Variants in SEPTIN3 observed in about 807,000 individuals in gnomAD.
SEPTIN3 encodes the protein septin 3, also known as neuronal-specific septin-3.
Under a neutral mutation model 45.1 loss-of-function variants are expected in SEPTIN3, and 15 were observed. That is an observed-to-expected ratio of 0.33 (90% CI 0.22 to 0.51). The LOEUF (loss-of-function observed/expected upper bound fraction) is 0.51. SEPTIN3 is among the 20% of genes least tolerant of loss of function. SEPTIN3 has a pLI of 0.97. For synonymous variants in SEPTIN3, 148 were observed against 164.8 expected, an observed-to-expected ratio of 0.90 and a Z score of 0.78; for missense variants, 289 against 457.2, an observed-to-expected ratio of 0.63 and a Z score of 3.35.
rs2078400459 is a variant in SEPTIN3 at position 41,994,887 on chromosome 22, G to C, written c.2505+173G>C. The C allele has an allele frequency of 1.4e-5, 8 of 566,618 alleles. No homozygotes were observed. Among genetic ancestry groups the C allele is most frequent in the Admixed American group, 9.4e-5 (2 of 21,168 alleles). 35.1% of individuals were successfully genotyped at this position (566,618 alleles called of 1,614,324 possible). A position where few individuals can be genotyped will look rare whatever the true frequency, so the allele number is the denominator to read the frequency against. ...GGTATTTGTGGAGCATCTTGTCTGT[G>C]TGTGTGTGTGTGTGTGTGTGTGTGT... On this transcript the variant is annotated intron_variant, in intron 11 of 11. Transcript: ENST00000644076. This position sits in a 1 kb window ranked among gnomAD's most constrained non-coding sequence, Gnocchi z 4.2.
intron 6 of SEPTIN3, among the ~76,000 whole-genome samples, chr22:41,989,176 T>C (rs541521454): frequency 1.3e-5 from 2 of 150,636 alleles, no homozygotes; most frequent in African/African-American, 4.9e-5. Context: ...TTTTTTTGGT[T>C]GTTGTTGTTT....
chr22:41,997,478 A>C lies in SEPTIN3; in HGVS notation c.*511A>C, dbSNP rs1467534693. 1 of 153,218 alleles carries C rather than the reference A, an allele frequency of 6.5e-6. No individual in the cohort carries two copies. The highest frequency in any genetic ancestry group is 1.5e-5 in the Non-Finnish European group (1 of 68,546). 9.5% of individuals were successfully genotyped at this position (153,218 alleles called of 1,614,324 possible). On this transcript the variant is annotated 3_prime_UTR_variant, in exon 12 of 12. Coordinates refer to ENST00000644076, the MANE Select transcript of SEPTIN3 (RefSeq NM_001363845.2). ...TATTCATGAGGGTGGGTCACTACAG[A>C]TGTTGGGGAGCAAGGGCTAGGATCA...
At chr22:41,982,120 T>C (rs981776169) in intron 3 of SEPTIN3, 1 of 426,492 alleles carries the variant, frequency 2.3e-6, no homozygotes, top group Non-Finnish European at 4.3e-6. Context: ...GTTTGTGACA[T>C]GAGAGAATCA....
At chr22:41,970,804 CG>C (rs1569434856) in intron 1 of SEPTIN3, among the ~76,000 whole-genome samples, 1 of 152,228 alleles carries the variant, frequency 6.6e-6, no homozygotes, top group African/African-American at 2.4e-5. Flanking sequence ...TCTTCAAGGG[CG>C]GGGACCATGG....
chr22:41,977,066 T>C, intron 2 of SEPTIN3: 2 of 1,601,510 alleles, frequency 1.2e-6, no homozygotes, highest in East Asian at 2.3e-5. Context: ...GGAGGATTCA[T>C]GTCCAAAGGT....
chr22:41,970,134 A>T (rs1324420196), intron 1 of SEPTIN3, among the ~76,000 whole-genome samples: 1 of 151,930 alleles, frequency 6.6e-6, no homozygotes, highest in Non-Finnish European at 1.5e-5. Flanking sequence ...CCTCCCCATG[A>T]GCCCTCTGGA....
At chr22:41,988,100 T>G (rs573377026) in intron 6 of SEPTIN3, among the ~76,000 whole-genome samples, 1 of 151,866 alleles carries the variant, frequency 6.6e-6, no homozygotes, top group Non-Finnish European at 1.5e-5. Context: ...AATACCTGCT[T>G]TGGAAAATAA....
chr22:41,994,411 G>A lies in SEPTIN3; in HGVS notation c.2411+70G>A, dbSNP rs1227154843. On this transcript the variant is annotated intron_variant, in intron 10 of 11. Transcript: ENST00000644076. This position sits in a 1 kb window ranked among gnomAD's most constrained non-coding sequence, Gnocchi z 4.2. ...TTTGGGGTCAGGGTCTATCTGTTCAGATTCACCTCCTGCATCTCCAGGTCT... is the reference window on the plus strand; with the variant it reads ...TTTGGGGTCAGGGTCTATCTGTTCAAATTCACCTCCTGCATCTCCAGGTCT... 4.5e-6 allele frequency: 7 copies of A among 1,558,744 alleles called. No individual in the cohort carries two copies. In the African/African-American group the frequency reaches 8.1e-5, roughly 18 times the overall value.
At chr22:41,991,439 G>A (rs561505061) in intron 7 of SEPTIN3, 134 bp from the exon 8 acceptor site, 11 of 695,664 alleles carry the variant, frequency 1.6e-5, no homozygotes, top group South Asian at 1.3e-4. Flanking sequence ...CAGGGTCTCA[G>A]AGTTCAGAGA....
Position 41,997,184 on chromosome 22 carries a change from C to T in SEPTIN3, c.*217C>T. 1 of 826,946 alleles carries T rather than the reference C, an allele frequency of 1.2e-6. No homozygotes were observed. The highest frequency in any genetic ancestry group is 1.8e-6 in the Non-Finnish European group (1 of 548,410). The allele number at this position is 826,946 out of a possible 1,614,324, so 51.2% of individuals were successfully genotyped here. ...GTGGAGTGGGGTTCTGCCAGTACAG[C>T]CCTACTGCATCATCTGCGTCAGCCG... On this transcript the variant is annotated 3_prime_UTR_variant, in exon 12 of 12. Transcript: ENST00000644076.
Position 41,994,179 on chromosome 22 carries a change from C to G in SEPTIN3, c.2360-111C>G. 1 of 925,454 alleles carries G rather than the reference C, an allele frequency of 1.1e-6. No individual in the cohort carries two copies. 57.3% of individuals were successfully genotyped at this position (925,454 alleles called of 1,614,324 possible). On this transcript the variant is annotated intron_variant, in intron 9 of 11. Transcript: ENST00000644076. This position sits in a 1 kb window ranked among gnomAD's most constrained non-coding sequence, Gnocchi z 4.2. Reference sequence around the variant, plus strand: ...GGAAGGGTTACAAAAAATGACCTGTCCCATAGCTTTCTCCTAAATGCCTCC... The same window carrying G: ...GGAAGGGTTACAAAAAATGACCTGTGCCATAGCTTTCTCCTAAATGCCTCC...
At chr22:41,980,225 C>T (rs1464241462) in intron 2 of SEPTIN3, among the ~76,000 whole-genome samples, 1 of 150,310 alleles carries the variant, frequency 6.7e-6, no homozygotes, top group Admixed American at 6.6e-5. Flanking sequence ...TGCAACTCCG[C>T]CTTCCGATTT....
At chr22:41,974,342 G>A (rs747257639) in intron 2 of SEPTIN3, among the ~76,000 whole-genome samples, 21 of 151,964 alleles carry the variant, frequency 1.4e-4, no homozygotes, top group Non-Finnish European at 2.1e-4. Flanking sequence ...AGGCTAAGGC[G>A]GGTGGATCAC....
At position 41,972,589 on chromosome 22, in the gene SEPTIN3, C is replaced by G; in HGVS notation, c.1097C>G (p.Thr366Arg). 1 of 399,150 alleles carries G rather than the reference C, an allele frequency of 2.5e-6. No homozygotes were observed. The highest frequency in any genetic ancestry group is 3.6e-5 in the East Asian group (1 of 28,080). 24.7% of individuals were successfully genotyped at this position (399,150 alleles called of 1,614,324 possible). A position where few individuals can be genotyped will look rare whatever the true frequency, so the allele number is the denominator to read the frequency against. Residue 366 changes from threonine to arginine, a missense_variant, in exon 2 of 12, where the codon ACA (threonine) becomes AGA (arginine). Physicochemically the swap from Thr to Arg is moderately conservative, Grantham distance 71 (BLOSUM62 -1). Around this residue, in one of 3 missense-constraint regions of SEPTIN3, gnomAD observed 200 missense variants for 315.1 expected, o/e 0.63. Transcript: ENST00000644076. ...GACAAGCTGGGCAAAGCCATGGCTA[C>G]AAGAAGCACAGCCAAACCAGATATG... ...EPDKLGKAMATRSTAKPDMTT... is the reference protein window; with the variant it reads ...EPDKLGKAMARRSTAKPDMTT...
intron 2 of SEPTIN3, among the ~76,000 whole-genome samples, chr22:41,978,103 T>C (rs2078059739): frequency 6.6e-6 from 1 of 152,186 alleles, no homozygotes; most frequent in Admixed American, 6.5e-5. Flanking sequence ...CCAATCCTTG[T>C]TGCAGAGGAA....
In SEPTIN3 at chr22:41,981,735, T is replaced by A. The variant is rs761083906; in HGVS notation, c.1595T>A (p.Ile532Asn). ...GCGGTGCCCATGAAGCCCATGAGCATCAACTCCAACCTGCTGGGCTACATC... is the reference window on the plus strand; with the variant it reads ...GCGGTGCCCATGAAGCCCATGAGCAACAACTCCAACCTGCTGGGCTACATC... ...KPAVPMKPMS[I>N]NSNLLGYIGI... The change falls in exon 3 of 12, where the codon ATC becomes AAC. Residue 532 changes from isoleucine (I) to asparagine (N), a missense_variant. By Grantham distance (149) the Ile-to-Asn change is moderately radical (BLOSUM62 -3). Coordinates refer to ENST00000644076, the MANE Select transcript of SEPTIN3 (RefSeq NM_001363845.2). 1 of 1,613,878 alleles carries A rather than the reference T, an allele frequency of 6.2e-7. No individual in the cohort carries two copies.
At chr22:41,985,109 C>T (rs887955983) in intron 3 of SEPTIN3, among the ~76,000 whole-genome samples, 1 of 149,850 alleles carries the variant, frequency 6.7e-6, no homozygotes, top group South Asian at 2.1e-4. Flanking sequence ...CCGCCTGTCT[C>T]GGCCTCCCAA....
Position 41,994,422 on chromosome 22 carries a change from T to G in SEPTIN3, c.2411+81T>G, listed in dbSNP as rs2078386917. On this transcript the variant is annotated intron_variant, in intron 10 of 11. Coordinates refer to ENST00000644076, the MANE Select transcript of SEPTIN3 (RefSeq NM_001363845.2). This position sits in a 1 kb window ranked among gnomAD's most constrained non-coding sequence, Gnocchi z 4.2. ...GGTCTATCTGTTCAGATTCACCTCC[T>G]GCATCTCCAGGTCTCTCTGACAGAG... 6.5e-7 allele frequency: 1 copy of G among 1,527,056 alleles called. No homozygotes were observed. Among genetic ancestry groups the G allele is most frequent in the African/African-American group, 1.4e-5 (1 of 73,118 alleles). The allele number at this position is 1,527,056 out of a possible 1,614,324, so 94.6% of individuals were successfully genotyped here.
At chr22:41,990,125 CCG>C (rs2078281918) in intron 7 of SEPTIN3, among the ~76,000 whole-genome samples, 1 of 151,756 alleles carries the variant, frequency 6.6e-6, no homozygotes, top group South Asian at 2.1e-4. Context: ...ACTGCAAGCT[CCG>C]CCTTACGGGT....
Sources: gnomAD v4.1 joint callset for allele counts (sites outside exome capture counted in the v4.1 genomes callset) on GRCh38, gnomAD v4.1.1 for gene constraint, gnomAD v4.1.1 regional missense constraint, Gnocchi (gnomAD v3.1) non-coding constraint, MANE v1.5 for transcripts, NCBI Gene and HGNC (gene_info 2026-07-23, HGNC 2026-07-21) for gene names.